Variants in DDX10 observed in about 807,000 individuals in gnomAD.
The protein encoded by DDX10 is DEAD-box helicase 10.
DDX10 carries 74 observed loss-of-function variants against 104.3 expected under a neutral mutation model. That is an observed-to-expected ratio of 0.71 (90% CI 0.59 to 0.86). The LOEUF is 0.86. Ranked by LOEUF, DDX10 falls within the 40% of genes least tolerant of loss-of-function variation. The probability of loss-of-function intolerance (pLI) is 0.00; values close to 1 mark genes in which losing one functional copy is unlikely to be tolerated. For missense variants in DDX10, 952 were observed against 1,040.0 expected, an observed-to-expected ratio of 0.92 and a Z score of 1.16; for synonymous variants, 351 against 353.4, an observed-to-expected ratio of 0.99 and a Z score of 0.08.
At chr11:108,900,540 T>C (rs1219495916) in intron 16 of DDX10, among the ~76,000 whole-genome samples, 1 of 152,222 alleles carries the variant, frequency 6.6e-6, no homozygotes, top group Non-Finnish European at 1.5e-5. Flanking sequence ...AGACACTTTA[T>C]TTTCTCATTA....
chr11:108,920,254 T>C (rs1356713771), intron 17 of DDX10: 1 of 152,236 alleles, frequency 6.6e-6, no homozygotes. Flanking sequence ...ACAAAGCATC[T>C]TAACTTAAAG....
At chr11:108,923,654 G>A (rs1863869896) in intron 17 of DDX10, among the ~76,000 whole-genome samples, 1 of 152,142 alleles carries the variant, frequency 6.6e-6, no homozygotes, top group African/African-American at 2.4e-5. Flanking sequence ...GAGGTTACAG[G>A]TAGCTAAATA....
chr11:108,731,369 C>T (rs140275753), intron 13 of DDX10, among the ~76,000 whole-genome samples: 263 of 152,026 alleles, frequency 1.7e-3, no homozygotes, highest in Non-Finnish European at 2.6e-3. Context: ...AACTACCTCA[C>T]CTAGTCTTAA....
chr11:108,720,913 A>T (rs2094297582), intron 12 of DDX10, among the ~76,000 whole-genome samples: 1 of 147,610 alleles, frequency 6.8e-6, no homozygotes, highest in African/African-American at 2.5e-5. Flanking sequence ...TTTTTTTTTA[A>T]ACCTTTTGAC....
At chr11:108,835,167 A>AT (rs1179535306) in intron 13 of DDX10, among the ~76,000 whole-genome samples, 1 of 151,998 alleles carries the variant, frequency 6.6e-6, no homozygotes, top group African/African-American at 2.4e-5. Flanking sequence ...CTGCCACTGT[A>AT]TTTTTTTCCA....
intron 13 of DDX10, among the ~76,000 whole-genome samples, chr11:108,773,045 G>A (rs1390378510): frequency 6.6e-6 from 1 of 152,224 alleles, no homozygotes; most frequent in Non-Finnish European, 1.5e-5. Context: ...TGAATAGAAA[G>A]TGAAGAACTT....
At chr11:108,890,206 C>T (rs918339935) in intron 16 of DDX10, among the ~76,000 whole-genome samples, 2 of 152,018 alleles carry the variant, frequency 1.3e-5, no homozygotes, top group Non-Finnish European at 2.9e-5. Flanking sequence ...TAATCATTAT[C>T]GATTGTAAAA....
chr11:108,721,063 T>C (rs2094297764), intron 12 of DDX10, among the ~76,000 whole-genome samples: 1 of 152,162 alleles, frequency 6.6e-6, no homozygotes, highest in Non-Finnish European at 1.5e-5. Context: ...TGGTGAAATA[T>C]GTGATTACAA....
intron 17 of DDX10, chr11:108,929,819 C>T (rs1591130172): frequency 1.3e-5 from 2 of 152,250 alleles, no homozygotes; most frequent in Non-Finnish European, 2.9e-5. Context: ...TGGGGGTATA[C>T]TAACTCTTTT....
intron 13 of DDX10, among the ~76,000 whole-genome samples, chr11:108,799,891 C>G (rs542761390): frequency 4.8e-4 from 73 of 152,200 alleles, no homozygotes; most frequent in African/African-American, 1.7e-3. Flanking sequence ...TTCAGCATGA[C>G]ATAGTTCTAG....
chr11:108,756,354 A>G (rs1006796952), intron 13 of DDX10, among the ~76,000 whole-genome samples: 2 of 152,086 alleles, frequency 1.3e-5, no homozygotes, highest in Admixed American at 1.3e-4. Context: ...CACGGAGATC[A>G]AATGGCATTC....
chr11:108,760,955 A>G (rs993100103), intron 13 of DDX10, among the ~76,000 whole-genome samples: 4 of 152,078 alleles, frequency 2.6e-5, no homozygotes, highest in African/African-American at 4.8e-5. Flanking sequence ...GAATAAGTAT[A>G]GTAATTCAGT....
intron 7 of DDX10, among the ~76,000 whole-genome samples, chr11:108,691,672 G>A (rs569302936): frequency 5.3e-5 from 8 of 152,296 alleles, no homozygotes; most frequent in East Asian, 3.9e-4. Context: ...ATTCTGTGAC[G>A]TTAGGAAATA....
intron 13 of DDX10, among the ~76,000 whole-genome samples, chr11:108,787,769 A>G (rs372013807): frequency 3.3e-5 from 5 of 152,066 alleles, no homozygotes; most frequent in Middle Eastern, 3.2e-3. Context: ...CGTCTCTACT[A>G]AAAATACAAA....
At chr11:108,913,563 T>G (rs1863708090) in intron 16 of DDX10, among the ~76,000 whole-genome samples, 1 of 152,178 alleles carries the variant, frequency 6.6e-6, no homozygotes, top group Admixed American at 6.5e-5. Flanking sequence ...ATGTAGCTTT[T>G]GTAGCTATCT....
chr11:108,891,512 T>C (rs1863376127), intron 16 of DDX10, among the ~76,000 whole-genome samples: 1 of 152,140 alleles, frequency 6.6e-6, no homozygotes, highest in African/African-American at 2.4e-5. Flanking sequence ...GTGGACCTTC[T>C]CAAATTATAT....
In DDX10 at chr11:108,712,533, C is replaced by CTACA. The variant is rs541195457; in HGVS notation, c.1323-3345_1323-3342dup. On this transcript the variant is annotated intron_variant, in intron 10 of 17. Coordinates refer to ENST00000322536, the MANE Select transcript of DDX10 (RefSeq NM_004398.4). Reference sequence around the variant, plus strand: ...CCCATTTTGAAATAATGACATAATGCTACAGCACTTCACAGGTAGTGTGAG... The same window carrying CTACA: ...CCCATTTTGAAATAATGACATAATGCTACATACAGCACTTCACAGGTAGTGTGAG... Among the ~76,000 whole-genome samples the CTACA allele has an allele frequency of 2.0e-5, 3 of 151,870 alleles. No homozygotes were observed. The South Asian group carries it at 6.2e-4, about 32-fold the overall frequency.
chr11:108,710,261 A>C (rs928470473), intron 10 of DDX10, among the ~76,000 whole-genome samples: 2 of 152,198 alleles, frequency 1.3e-5, no homozygotes, highest in African/African-American at 4.8e-5. Context: ...CGTAGGCTAC[A>C]CTAAACTTTT....
At chr11:108,828,739 TC>T (rs1302249944) in intron 13 of DDX10, among the ~76,000 whole-genome samples, 2 of 152,230 alleles carry the variant, frequency 1.3e-5, no homozygotes, top group Non-Finnish European at 2.9e-5. Context: ...TTCTCTTGTC[TC>T]AGCCTCCTGA....
Sources: gnomAD v4.1 joint callset for allele counts (sites outside exome capture counted in the v4.1 genomes callset) on GRCh38, gnomAD v4.1.1 for gene constraint, MANE v1.5 for transcripts, NCBI Gene and HGNC (gene_info 2026-07-23, HGNC 2026-07-21) for gene names.